DPH6: variants seen among roughly 807,000 people sequenced by gnomAD.
The protein encoded by DPH6 is diphthine--ammonia ligase.
DPH6 carries 33 observed loss-of-function variants against 38.2 expected under a neutral mutation model. That is an observed-to-expected ratio of 0.86 (90% CI 0.65 to 1.15). DPH6 has a LOEUF of 1.15. DPH6 is among the 50% of genes most tolerant of loss of function. The probability of loss-of-function intolerance (pLI) is 0.00; values close to 1 mark genes in which losing one functional copy is unlikely to be tolerated. For missense variants in DPH6, 325 were observed against 320.0 expected, an observed-to-expected ratio of 1.02 and a Z score of -0.12; for synonymous variants, 108 against 103.0, an observed-to-expected ratio of 1.05 and a Z score of -0.30.
At chr15:35,432,145 T>C (rs2053640622) in intron 5 of DPH6, among the ~76,000 whole-genome samples, 1 of 152,024 alleles carries the variant, frequency 6.6e-6, no homozygotes. Context: ...ATGAAGAAAA[T>C]ATGGATAAGA....
intron 3 of DPH6, among the ~76,000 whole-genome samples, chr15:35,311,806 C>T (rs747773131): frequency 6.6e-6 from 1 of 152,058 alleles, no homozygotes; most frequent in Non-Finnish European, 1.5e-5. Context: ...AAATGATGAG[C>T]TCCTTTGCTG....
chr15:35,285,260 T>G (rs1017108080), intron 3 of DPH6, among the ~76,000 whole-genome samples: 3 of 152,234 alleles, frequency 2.0e-5, no homozygotes, highest in African/African-American at 7.2e-5. Context: ...AGTAGTCATT[T>G]GATATGGTTT....
chr15:35,471,147 T>TA (rs2054194035), intron 3 of DPH6, among the ~76,000 whole-genome samples: 1 of 152,178 alleles, frequency 6.6e-6, no homozygotes, highest in Non-Finnish European at 1.5e-5. Context: ...AGGTGCTCAA[T>TA]CATAAAGAGC....
At chr15:35,243,251 C>T (rs1366624863) in intron 3 of DPH6, among the ~76,000 whole-genome samples, 1 of 142,698 alleles carries the variant, frequency 7.0e-6, no homozygotes, top group Non-Finnish European at 1.5e-5. Flanking sequence ...ATCTCTCCCA[C>T]TCTAGGTTCC....
intron 3 of DPH6, among the ~76,000 whole-genome samples, chr15:35,284,470 A>G (rs1439373856): frequency 6.6e-6 from 1 of 152,020 alleles, no homozygotes; most frequent in African/African-American, 2.4e-5. Flanking sequence ...GACAATAAAA[A>G]TGGTGATTTA....
intron 3 of DPH6, among the ~76,000 whole-genome samples, chr15:35,504,065 C>T (rs748040650): frequency 5.2e-4 from 79 of 152,084 alleles, no homozygotes; most frequent in Non-Finnish European, 1.1e-3. Flanking sequence ...ATTTCAAGAT[C>T]TCAAAAGACC....
chr15:35,380,909 T>C (rs940707101), intron 7 of DPH6, among the ~76,000 whole-genome samples: 22 of 152,306 alleles, frequency 1.4e-4, no homozygotes, highest in African/African-American at 5.1e-4. Context: ...ATAATGATTA[T>C]GTTGATTATT....
rs1194518652 is a variant in DPH6, at chr15:35,521,874, T to TTAATG, written c.312+16399_312+16400insCATTA. ...AGTGATTAGCAGTCATTAATGTTAA[T>TTAATG]TAGTGTTCACATTACATTCCTTGGG... is the stretch of plus-strand genomic sequence containing the variant. On this transcript the variant is annotated intron_variant, in intron 3 of 8. Coordinates refer to ENST00000256538, the MANE Select transcript of DPH6 (RefSeq NM_080650.4). 7 of 1,372,950 alleles carry TTAATG rather than the reference T, an allele frequency of 5.1e-6. No individual in the cohort carries two copies. The African/African-American group carries it at 1.0e-4, about 20-fold the overall frequency. 85.0% of individuals were successfully genotyped at this position (1,372,950 alleles called of 1,614,324 possible).
At chr15:35,303,155 T>A (rs2052065575) in intron 3 of DPH6, among the ~76,000 whole-genome samples, 1 of 152,048 alleles carries the variant, frequency 6.6e-6, no homozygotes, top group Non-Finnish European at 1.5e-5. Flanking sequence ...AATAAAGCAC[T>A]CCCTGACTTT....
the DPH6 span, among the ~76,000 whole-genome samples, chr15:35,191,792 A>G: frequency 5.6e-4 from 85 of 151,664 alleles, no homozygotes; most frequent in African/African-American, 1.3e-3. Flanking sequence ...ACATTCAGAC[A>G]ATCTCAGTAA....
chr15:35,325,422 A>G (rs2052274431), intron 3 of DPH6, among the ~76,000 whole-genome samples: 1 of 152,178 alleles, frequency 6.6e-6, no homozygotes, highest in African/African-American at 2.4e-5. Context: ...AAAGGGACAC[A>G]GTTGTATGAA....
chr15:35,203,476 C>T, the DPH6 span, among the ~76,000 whole-genome samples: 1 of 151,626 alleles, frequency 6.6e-6, no homozygotes, highest in Non-Finnish European at 1.5e-5. Context: ...AAACATATCA[C>T]TCTGAGATGA....
intron 3 of DPH6, among the ~76,000 whole-genome samples, chr15:35,222,542 G>C (rs1020141305): frequency 6.6e-6 from 1 of 152,100 alleles, no homozygotes; most frequent in Non-Finnish European, 1.5e-5. Context: ...CTTGAAGGGG[G>C]GGGTTTCAGG....
At chr15:35,298,865 C>G in intron 3 of DPH6, 1 of 1,005,672 alleles carries the variant, frequency 9.9e-7, no homozygotes, top group Non-Finnish European at 1.6e-6. Flanking sequence ...GGTCTTGAGT[C>G]CTCTTCATAA....
At chr15:35,341,081 C>A (rs192711894) in intron 3 of DPH6, among the ~76,000 whole-genome samples, 3 of 151,912 alleles carry the variant, frequency 2.0e-5, no homozygotes, top group African/African-American at 7.3e-5. Context: ...CCTTTTTATT[C>A]TTTTTTCTCT....
chr15:35,235,811 T>C (rs1260046563), intron 3 of DPH6, among the ~76,000 whole-genome samples: 2 of 152,234 alleles, frequency 1.3e-5, no homozygotes, highest in Admixed American at 1.3e-4. Flanking sequence ...CTATATATAC[T>C]GTGGTAGATT....
intron 6 of DPH6, among the ~76,000 whole-genome samples, chr15:35,390,677 T>C (rs562950608): frequency 1.3e-5 from 2 of 152,362 alleles, no homozygotes; most frequent in East Asian, 1.9e-4. Flanking sequence ...TCTCATGCCA[T>C]GGTTTTCAGC....
At chr15:35,295,877 T>C (rs73393329) in intron 3 of DPH6, among the ~76,000 whole-genome samples, 4,008 of 152,268 alleles carry the variant, frequency 0.026, 78 homozygotes, top group African/African-American at 0.059. Context: ...ATTGTGCATA[T>C]TGAGTTGCCT....
At chr15:35,250,443 T>A (rs1442162138) in intron 3 of DPH6, among the ~76,000 whole-genome samples, 1 of 152,242 alleles carries the variant, frequency 6.6e-6, no homozygotes, top group East Asian at 1.9e-4. Flanking sequence ...TTTGGGTTTA[T>A]TTTTCCATTA....
Sources: gnomAD v4.1 joint callset for allele counts (sites outside exome capture counted in the v4.1 genomes callset) on GRCh38, gnomAD v4.1.1 for gene constraint, MANE v1.5 for transcripts, NCBI Gene and HGNC (gene_info 2026-07-23, HGNC 2026-07-21) for gene names.